Variants in APC observed in about 807,000 individuals in gnomAD.
APC encodes APC regulator of Wnt signaling pathway.
A neutral mutation model predicts 247.0 loss-of-function variants in APC; 72 were observed. The ratio of observed to expected loss-of-function variants is 0.29; its 90% CI spans 0.24 to 0.35. The LOEUF is 0.35. APC is among the 10% of genes least tolerant of loss of function. The pLI is 1.00. For synonymous variants in APC, 1,254 were observed against 1,162.5 expected (o/e 1.08, Z -1.60); for missense variants, 3,400 against 3,360.7 (o/e 1.01, Z -0.29).
intron 6 of APC, among the ~76,000 whole-genome samples, chr5:112,786,185 G>A (rs1758930043): frequency 6.6e-6 from 1 of 152,140 alleles, no homozygotes; most frequent in African/African-American, 2.4e-5. Context: ...GCCTCAAACG[G>A]CTCTAGCAAC....
intron 7 of APC, among the ~76,000 whole-genome samples, chr5:112,800,158 AAGT>A (rs1248506726): frequency 7.2e-5 from 11 of 152,252 alleles, no homozygotes; most frequent in Admixed American, 6.5e-4. Context: ...CATCTATTGC[AAGT>A]AACTAACATA....
At chr5:112,718,099 A>T (rs1020360339) in intron 1 of APC, among the ~76,000 whole-genome samples, 1 of 151,096 alleles carries the variant, frequency 6.6e-6, no homozygotes, top group Non-Finnish European at 1.5e-5. Context: ...GTTCTTTTCA[A>T]AACTGTATCA....
intron 1 of APC, among the ~76,000 whole-genome samples, chr5:112,749,843 C>T (rs936427316): frequency 1.3e-5 from 2 of 150,494 alleles, no homozygotes; most frequent in African/African-American, 4.9e-5. Context: ...GAATCAATTC[C>T]CCCTCCCTAG....
chr5:112,752,942 A>G (rs1007904410), intron 1 of APC, among the ~76,000 whole-genome samples: 12 of 152,302 alleles, frequency 7.9e-5, no homozygotes, highest in African/African-American at 2.9e-4. Flanking sequence ...GGGTACTTTT[A>G]GCAGTCTCTG....
chr5:112,730,893 A>G (rs556832204), intron 1 of APC, among the ~76,000 whole-genome samples: 1 of 152,286 alleles, frequency 6.6e-6, no homozygotes, highest in East Asian at 1.9e-4. Context: ...TAGGAATTTT[A>G]TAAAATTCAG....
chr5:112,771,068 GT>G (rs1246951987), intron 4 of APC, among the ~76,000 whole-genome samples: 1 of 151,952 alleles, frequency 6.6e-6, no homozygotes, highest in African/African-American at 2.4e-5. Flanking sequence ...AAATAAGTGG[GT>G]TTTTTTAGGA....
At chr5:112,836,529 C>T (rs1010607907) in intron 15 of APC, among the ~76,000 whole-genome samples, 3 of 152,098 alleles carry the variant, frequency 2.0e-5, no homozygotes, top group African/African-American at 7.2e-5. Flanking sequence ...GCTGAATATG[C>T]TGTCATTAAT....
At chr5:112,730,804 ATGT>A (rs892931749) in intron 1 of APC, among the ~76,000 whole-genome samples, 2 of 152,094 alleles carry the variant, frequency 1.3e-5, no homozygotes, top group Non-Finnish European at 2.9e-5. Context: ...CTCTCCTCTA[ATGT>A]TGTGACTTCA....
At chr5:112,772,398 T>C (rs1367150203) in intron 4 of APC, among the ~76,000 whole-genome samples, 1 of 152,140 alleles carries the variant, frequency 6.6e-6, no homozygotes, top group Non-Finnish European at 1.5e-5. Flanking sequence ...AGTATTTTAC[T>C]ACAGGTTAAT....
chr5:112,762,026 G>GT, intron 2 of APC, among the ~76,000 whole-genome samples: 2 of 152,252 alleles, frequency 1.3e-5, no homozygotes, highest in Middle Eastern at 6.8e-3. Context: ...AATTCCTTCA[G>GT]AATATATAAA....
chr5:112,760,936 A>C (rs1452663278), intron 2 of APC, among the ~76,000 whole-genome samples: 1 of 152,088 alleles, frequency 6.6e-6, no homozygotes, highest in Non-Finnish European at 1.5e-5. Flanking sequence ...CAGCCTCCCA[A>C]GTAGCTGGGA....
At chr5:112,735,239 G>C (rs777878745), upstream of APC, among the ~76,000 whole-genome samples, 26 of 151,856 alleles carry the variant, frequency 1.7e-4, no homozygotes, top group Non-Finnish European at 3.4e-4. Context: ...ACAATGGCGA[G>C]ATCTCGGCTC....
chr5:112,811,665 G>T (rs1284212980), intron 8 of APC, among the ~76,000 whole-genome samples: 2 of 152,304 alleles, frequency 1.3e-5, no homozygotes, highest in East Asian at 3.9e-4. Flanking sequence ...TGAAATGAAT[G>T]TCAGAAACAT....
rs141444802 is a variant in APC, at chr5:112,839,202, G to A, written c.3608G>A (p.Gly1203Glu). Reference protein sequence around the residue: ...QSFSFSKSSSGQSSKTEHMSS... With the variant: ...QSFSFSKSSSEQSSKTEHMSS... ...TTTTCATTCTCAAAGAGTTCATCTG[G>A]ACAAAGCAGTAAAACCGAACATATG... The change falls in exon 16 of 16, where the codon GGA becomes GAA. Residue 1203 changes from glycine to glutamate, a missense_variant. Physicochemically the swap from Gly to Glu is moderately conservative, Grantham distance 98 (BLOSUM62 -2). This residue lies in a region of APC where 715 missense variants were observed against 656.6 expected (regional missense o/e 1.09). Coordinates refer to ENST00000257430, the MANE Select transcript of APC (RefSeq NM_000038.6). This position sits in a 1 kb window ranked among gnomAD's most constrained non-coding sequence, Gnocchi z 5.0. The A allele has an allele frequency of 6.2e-7, 1 of 1,613,966 alleles. No individual in the cohort carries two copies. Among genetic ancestry groups the A allele is most frequent in the African/African-American group, 1.3e-5 (1 of 74,912 alleles).
chr5:112,724,429 C>G (rs1335840923), intron 1 of APC, among the ~76,000 whole-genome samples: 1 of 152,140 alleles, frequency 6.6e-6, no homozygotes, highest in African/African-American at 2.4e-5. Context: ...TATTCTGCAG[C>G]TATTTGGGTA....
intron 2 of APC, among the ~76,000 whole-genome samples, chr5:112,755,683 A>G (rs1754892206): frequency 6.6e-6 from 1 of 152,354 alleles, no homozygotes; most frequent in Non-Finnish European, 1.5e-5. Flanking sequence ...AGGTTAGAAA[A>G]TCGTCTATAG....
At chr5:112,741,882 C>G (rs1036469708) in intron 1 of APC, among the ~76,000 whole-genome samples, 1 of 151,850 alleles carries the variant, frequency 6.6e-6, no homozygotes, top group Non-Finnish European at 1.5e-5. Flanking sequence ...AATATTTATT[C>G]TTTTGCACCT....
chr5:112,791,156 A>AACACACAC (rs147798111), intron 6 of APC, among the ~76,000 whole-genome samples: 1 of 150,672 alleles, frequency 6.6e-6, no homozygotes, highest in Non-Finnish European at 1.5e-5. Context: ...TAGCTTAAAA[A>AACACACAC]ACACACACAC....
At chr5:112,746,918 A>C (rs1753749235) in intron 1 of APC, among the ~76,000 whole-genome samples, 1 of 151,572 alleles carries the variant, frequency 6.6e-6, no homozygotes, top group Admixed American at 6.6e-5. Flanking sequence ...ATTGGAATTC[A>C]TAGAATCATT....
Sources: allele counts gnomAD v4.1 joint callset (sites outside exome capture counted in the v4.1 genomes callset), GRCh38; gene constraint gnomAD v4.1.1; regional missense constraint gnomAD v4.1.1; non-coding constraint Gnocchi (gnomAD v3.1); transcripts MANE v1.5; gene names NCBI Gene and HGNC (gene_info 2026-07-23, HGNC 2026-07-21).